ATXN7: variants seen among roughly 807,000 people sequenced by gnomAD.
ATXN7 encodes ataxin 7.
Under a neutral mutation model 70.5 loss-of-function variants are expected in ATXN7, and 12 were observed. That is an observed-to-expected ratio of 0.17 (90% CI 0.11 to 0.28). The LOEUF is 0.28. Ranked by LOEUF, ATXN7 falls within the 10% of genes least tolerant of loss-of-function variation. ATXN7 has a pLI of 1.00. For synonymous variants in ATXN7, 498 were observed against 448.7 expected, an observed-to-expected ratio of 1.11 and a Z score of -1.39; for missense variants, 1,256 against 1,131.7, an observed-to-expected ratio of 1.11 and a Z score of -1.58.
In ATXN7 at chr3:63,995,898, T is replaced by C. The variant is rs374659231; in HGVS notation, c.2076T>C (p.Cys692=). The part of the protein sequence containing the change: ...PKESSGNSTN[C]QNASSSTSGG... ...AGTCTTCTGGTAACAGCACTAACTG[T>C]CAAAATGCCAGTAGCAGTACCAGTG... Residue 692 remains cysteine (C), a synonymous_variant, in exon 12 of 13, where the codon TGT becomes TGC. Coordinates refer to ENST00000674280, the MANE Select transcript of ATXN7 (RefSeq NM_001377405.1). 2 of 1,614,040 alleles carry C rather than the reference T, an allele frequency of 1.2e-6. No homozygotes were observed. Among genetic ancestry groups the C allele is most frequent in the African/African-American group, 2.7e-5 (2 of 74,904 alleles).
chr3:63,923,119 G>A lies in ATXN7; in HGVS notation c.394+9894G>A, dbSNP rs146286638. Among the ~76,000 whole-genome samples the A allele has an allele frequency of 6.4e-4, 98 of 152,300 alleles. 1 individual carries two copies. The highest frequency in any genetic ancestry group is 1.6e-3 in the Admixed American group (24 of 15,296). On this transcript the variant is annotated intron_variant, in intron 4 of 12. Coordinates refer to ENST00000674280, the MANE Select transcript of ATXN7 (RefSeq NM_001377405.1). The stretch of plus-strand genomic sequence containing the variant: ...TTGTTTATTTTGTGATTACTGCCTT[G>A]AGAATCCTCTGACTGTTTTGCCTTA...
At chr3:63,981,350 G>T (rs111692759) in intron 6 of ATXN7, among the ~76,000 whole-genome samples, 187 of 152,350 alleles carry the variant, frequency 1.2e-3, no homozygotes, top group African/African-American at 4.2e-3. Context: ...TGCCAGTGTA[G>T]TGTGTAAGTC....
At chr3:63,914,737 A>G (rs1454009596) in intron 4 of ATXN7, among the ~76,000 whole-genome samples, 2 of 152,196 alleles carry the variant, frequency 1.3e-5, no homozygotes, top group South Asian at 2.1e-4. Context: ...AGTTAAGTGT[A>G]TTAATGTTTC....
At position 63,863,953 on chromosome 3, in the gene ATXN7, G is replaced by GCCGCCT. The variant is rs1373178389; in HGVS notation, c.-311_-310insTCCGCC. Reference sequence around the variant, plus strand: ...CGACGCCTGAGCCGCGCCGCGCCGCGCCGCCGCCGCCGCCGCCGCCGCCGC... The same window carrying GCCGCCT: ...CGACGCCTGAGCCGCGCCGCGCCGCGCCGCCTCCGCCGCCGCCGCCGCCGCCGCCGC... On this transcript the variant is annotated 5_prime_UTR_variant, in exon 1 of 13. Coordinates refer to ENST00000674280, the MANE Select transcript of ATXN7 (RefSeq NM_001377405.1). The GCCGCCT allele has an allele frequency of 1.2e-5, 1 of 83,824 alleles. No homozygotes were observed. Among genetic ancestry groups the GCCGCCT allele is most frequent in the Non-Finnish European group, 2.2e-5 (1 of 46,292 alleles). The allele number at this position is 83,824 out of a possible 1,614,324, so 5.2% of individuals were successfully genotyped here. A position where few individuals can be genotyped will look rare whatever the true frequency, so the allele number is the denominator to read the frequency against.
chr3:63,970,338 C>T (rs1300736660), intron 5 of ATXN7, among the ~76,000 whole-genome samples: 1 of 151,982 alleles, frequency 6.6e-6, no homozygotes, highest in African/African-American at 2.4e-5. Context: ...ATAAAAAGGG[C>T]GTCCTTCAGG....
At chr3:63,941,553 G>A (rs1292867681) in intron 4 of ATXN7, among the ~76,000 whole-genome samples, 3 of 152,210 alleles carry the variant, frequency 2.0e-5, no homozygotes, top group Non-Finnish European at 4.4e-5. Flanking sequence ...CCACGAAACT[G>A]TTCCCTGGTG....
chr3:63,963,426 T>TA, intron 5 of ATXN7, among the ~76,000 whole-genome samples: 1 of 152,348 alleles, frequency 6.6e-6, no homozygotes, highest in South Asian at 2.1e-4. Context: ...TCTTTCAACT[T>TA]ACCTGCCTTC....
At position 64,003,190 on chromosome 3, in the gene ATXN7, C is replaced by T. The variant is rs2075853138; in HGVS notation, c.*3723C>T. 6.9e-6 allele frequency: 1 copy of T among 145,250 alleles called. No homozygotes were observed. The highest frequency in any genetic ancestry group is 2.5e-5 in the African/African-American group (1 of 39,258). 9.0% of individuals were successfully genotyped at this position (145,250 alleles called of 1,614,324 possible). ...CATACTGTCAGTGTGAATGTAGGGC[C>T]TTGAAAGCATTTTGCTTTTTTTTTT... On this transcript the variant is annotated 3_prime_UTR_variant, in exon 13 of 13. Transcript: ENST00000674280.
chr3:63,903,202 G>A (rs559780652), intron 2 of ATXN7, among the ~76,000 whole-genome samples: 3 of 152,020 alleles, frequency 2.0e-5, no homozygotes, highest in Admixed American at 2.0e-4. Context: ...AGACTATCCT[G>A]GCTAACATGG....
chr3:63,911,246 G>A (rs1348023004), intron 2 of ATXN7, among the ~76,000 whole-genome samples: 2 of 152,124 alleles, frequency 1.3e-5, no homozygotes, highest in Non-Finnish European at 2.9e-5. Flanking sequence ...AAGTGGTGTG[G>A]TCTGCTACTG....
At chr3:63,920,892 A>C (rs1465509114) in intron 4 of ATXN7, among the ~76,000 whole-genome samples, 1 of 152,112 alleles carries the variant, frequency 6.6e-6, no homozygotes. Context: ...ATTGTTGTTG[A>C]AAGTTTTTAT....
chr3:63,873,816 A>C (rs767722744), intron 1 of ATXN7: 1 of 152,000 alleles, frequency 6.6e-6, no homozygotes, highest in African/African-American at 2.4e-5. Context: ...CAGTCCTCCC[A>C]CTGCAGCTTC....
At chr3:63,977,918 G>A (rs934866252) in intron 5 of ATXN7, among the ~76,000 whole-genome samples, 3 of 152,218 alleles carry the variant, frequency 2.0e-5, no homozygotes, top group Admixed American at 6.5e-5. Context: ...TGGTAAGAAC[G>A]ATGAAAATAG....
intron 11 of ATXN7, among the ~76,000 whole-genome samples, chr3:63,993,120 G>T (rs1386341993): frequency 6.6e-6 from 1 of 152,128 alleles, no homozygotes; most frequent in African/African-American, 2.4e-5. Flanking sequence ...GGTGAAATTA[G>T]ACCAGCACTT....
At chr3:63,958,946 A>T (rs1057285139) in intron 5 of ATXN7, among the ~76,000 whole-genome samples, 2 of 152,174 alleles carry the variant, frequency 1.3e-5, no homozygotes, top group African/African-American at 4.8e-5. Flanking sequence ...GACAATATGA[A>T]TTGCATGTGT....
intron 4 of ATXN7, among the ~76,000 whole-genome samples, chr3:63,938,038 G>A (rs549828857): frequency 6.6e-6 from 1 of 152,278 alleles, no homozygotes; most frequent in South Asian, 2.1e-4. Context: ...AGAAGCACTC[G>A]AAACAAATCT....
Position 63,990,769 on chromosome 3 carries a change from G to C in ATXN7, c.1592G>C (p.Arg531Thr). 6.2e-7 allele frequency: 1 copy of C among 1,614,150 alleles called. No individual in the cohort carries two copies. Among genetic ancestry groups the C allele is most frequent in the Non-Finnish European group, 8.5e-7 (1 of 1,180,004 alleles). The change falls in exon 11 of 13, where the codon AGA becomes ACA. Residue 531 changes from arginine (R) to threonine (T), a missense_variant. Arg to Thr is a moderately conservative substitution (Grantham distance 71). Transcript: ENST00000674280. ...FCTFGSRQIG[R>T]GYYVFDSRWN... ...ACATTTGGGAGCCGGCAGATAGGAAGAGGCTATTACGTGTTTGACTCCAGG... is the reference window on the plus strand; with the variant it reads ...ACATTTGGGAGCCGGCAGATAGGAACAGGCTATTACGTGTTTGACTCCAGG...
chr3:63,882,712 GTTTA>G (rs1458486715), intron 1 of ATXN7, among the ~76,000 whole-genome samples: 1 of 152,000 alleles, frequency 6.6e-6, no homozygotes, highest in Non-Finnish European at 1.5e-5. Context: ...AATATGTGTT[GTTTA>G]TTTATCAGAC....
intron 5 of ATXN7, among the ~76,000 whole-genome samples, chr3:63,957,190 C>G (rs1484287981): frequency 6.6e-6 from 1 of 152,148 alleles, no homozygotes; most frequent in Non-Finnish European, 1.5e-5. Flanking sequence ...CTCTTTTATG[C>G]AGACACAGGG....
Sources: gnomAD v4.1 joint callset for allele counts (sites outside exome capture counted in the v4.1 genomes callset) on GRCh38, gnomAD v4.1.1 for gene constraint, MANE v1.5 for transcripts, NCBI Gene and HGNC (gene_info 2026-07-23, HGNC 2026-07-21) for gene names.